SF3B3: variants seen among roughly 807,000 people sequenced by gnomAD.
SF3B3 encodes the protein SAP 130.
SF3B3 carries 33 observed loss-of-function variants against 139.2 expected under a neutral mutation model. The ratio of observed to expected loss-of-function variants is 0.24; its 90% CI spans 0.18 to 0.32. SF3B3 has a LOEUF of 0.32. Among genes scored for constraint, SF3B3 ranks in the 10% least tolerant of loss-of-function variants. The pLI is 1.00. For synonymous variants in SF3B3, 596 were observed against 563.6 expected (o/e 1.06, Z -0.81); for missense variants, 818 against 1,509.4 (o/e 0.54, Z 7.59).
chr16:70,534,869 G>A (rs146676001), intron 5 of SF3B3, among the ~76,000 whole-genome samples: 4,812 of 151,970 alleles, frequency 0.032, 285 homozygotes, highest in African/African-American at 0.11. Flanking sequence ...GGATTTCACC[G>A]TGTTGGCCAG....
At chr16:70,548,788 C>G (rs1267918623) in intron 11 of SF3B3, among the ~76,000 whole-genome samples, 1 of 152,196 alleles carries the variant, frequency 6.6e-6, no homozygotes, top group South Asian at 2.1e-4. Flanking sequence ...CTTTTTCATT[C>G]TTCTTCAACT....
At chr16:70,549,701 G>A (rs541967375) in intron 11 of SF3B3, among the ~76,000 whole-genome samples, 9 of 152,272 alleles carry the variant, frequency 5.9e-5, no homozygotes, top group Admixed American at 1.3e-4. Flanking sequence ...CGAGGTGGGC[G>A]GATCATCTGA....
chr16:70,557,227 A>T (rs1037515796), intron 15 of SF3B3, among the ~76,000 whole-genome samples, 198 bp downstream of exon 15: 2 of 152,224 alleles, frequency 1.3e-5, no homozygotes, highest in African/African-American at 2.4e-5. Context: ...ATATTTTGAT[A>T]AAGAGTCTTC....
intron 5 of SF3B3, among the ~76,000 whole-genome samples, chr16:70,533,893 T>G (rs986258869): frequency 2.6e-5 from 4 of 152,264 alleles, no homozygotes; most frequent in Non-Finnish European, 5.9e-5. Flanking sequence ...AAGGGCTTTT[T>G]CATTCTTTCA....
chr16:70,561,961 C>A (rs1053427471), intron 17 of SF3B3, among the ~76,000 whole-genome samples, 177 bp downstream of exon 17: 2 of 152,174 alleles, frequency 1.3e-5, no homozygotes, highest in African/African-American at 4.8e-5. Context: ...ACCTGAGAGC[C>A]AAGTTTCGGT....
intron 10 of SF3B3, among the ~76,000 whole-genome samples, chr16:70,544,899 G>C (rs187296414): frequency 5.9e-5 from 9 of 152,090 alleles, no homozygotes; most frequent in Admixed American, 2.6e-4. Context: ...TAGCCCACAT[G>C]GTCACTAGTC....
At chr16:70,539,670 C>T (rs576615580) in intron 8 of SF3B3, among the ~76,000 whole-genome samples, 1 of 152,100 alleles carries the variant, frequency 6.6e-6, no homozygotes, top group African/African-American at 2.4e-5. Flanking sequence ...CTTTTTCTTA[C>T]CTTCCTTTAT....
chr16:70,531,872 C>T (rs2050124715), intron 4 of SF3B3, among the ~76,000 whole-genome samples: 1 of 152,268 alleles, frequency 6.6e-6, no homozygotes, highest in Non-Finnish European at 1.5e-5. Flanking sequence ...CTCGTTCTAG[C>T]TCTGCCATTA....
intron 2 of SF3B3, among the ~76,000 whole-genome samples, chr16:70,528,662 G>A (rs2050090674): frequency 6.6e-6 from 1 of 151,980 alleles, no homozygotes; most frequent in Non-Finnish European, 1.5e-5. Context: ...CTGTTGCCCA[G>A]GCCGGAGTGC....
intron 10 of SF3B3, among the ~76,000 whole-genome samples, chr16:70,545,618 A>G (rs576560731): frequency 5.9e-5 from 9 of 152,334 alleles, no homozygotes; most frequent in South Asian, 4.1e-4. Context: ...GGGAATGGCA[A>G]TCTGAGCTCT....
Position 70,529,072 on chromosome 16 carries a change from G to A in SF3B3, c.270G>A (p.Leu90=). Residue 90 remains leucine, a synonymous_variant, in exon 3 of 26, where the codon TTG becomes TTA. Coordinates refer to ENST00000302516, the MANE Select transcript of SF3B3 (RefSeq NM_012426.5). ...GTGACTCTGGTCGAATTGTTATTTT[G>A]GAATACCAGCCATCTAAGAATATGT... The part of the protein sequence containing the change: ...VGSDSGRIVI[L]EYQPSKNMFE... 1.2e-6 allele frequency: 2 copies of A among 1,614,100 alleles called. No homozygotes were observed. Among genetic ancestry groups the A allele is most frequent in the Non-Finnish European group, 8.5e-7 (1 of 1,180,002 alleles).
Position 70,574,879 on chromosome 16 carries a change from ATATTT to A in SF3B3, c.*3071_*3075del, listed in dbSNP as rs2050562922. ...TTTGCATATGGAATATTGTATGTGA[ATATTT>A]TATTACACCCTTAAAATTAATTTTC... On this transcript the variant is annotated 3_prime_UTR_variant, in exon 26 of 26. Coordinates refer to ENST00000302516, the MANE Select transcript of SF3B3 (RefSeq NM_012426.5). The A allele has an allele frequency of 6.6e-6, 1 of 152,232 alleles. No individual in the cohort carries two copies. Among genetic ancestry groups the A allele is most frequent in the Non-Finnish European group, 1.5e-5 (1 of 68,050 alleles). The allele number at this position is 152,232 out of a possible 1,614,324, so 9.4% of individuals were successfully genotyped here.
chr16:70,568,113 A>G (rs1401539991), intron 21 of SF3B3, among the ~76,000 whole-genome samples, 170 bp from the exon 22 acceptor site: 1 of 152,214 alleles, frequency 6.6e-6, no homozygotes, highest in African/African-American at 2.4e-5. Context: ...TTTGCACTAT[A>G]TTAAAAGCTA....
chr16:70,525,793 C>T (rs2050056520), intron 1 of SF3B3, among the ~76,000 whole-genome samples: 1 of 151,556 alleles, frequency 6.6e-6, no homozygotes. Context: ...TGGTGAAACC[C>T]CACTAAAAAT....
chr16:70,555,786 C>T (rs1211363230), intron 13 of SF3B3, among the ~76,000 whole-genome samples: 2 of 152,152 alleles, frequency 1.3e-5, no homozygotes, highest in Admixed American at 1.3e-4. Flanking sequence ...TGTAGCCTGC[C>T]TGTACCTTTG....
chr16:70,568,067 T>A (rs1417804276), intron 21 of SF3B3, among the ~76,000 whole-genome samples: 1 of 152,222 alleles, frequency 6.6e-6, no homozygotes, highest in Non-Finnish European at 1.5e-5. Context: ...CTTGCTAGCT[T>A]CTATAAGGAA....
rs1567412690 is a variant in SF3B3, at chr16:70,538,200, T to C, written c.826-123T>C. ...CAGTGCTCTGGCTGGCAGGACACTG[T>C]GGATCAAAGCTTGTGCCTTTAGGCC... On this transcript the variant is annotated intron_variant, in intron 6 of 25. Transcript: ENST00000302516. 3.5e-6 allele frequency: 3 copies of C among 865,844 alleles called. No individual in the cohort carries two copies. The Admixed American group carries it at 5.5e-5, about 16-fold the overall frequency. The allele number at this position is 865,844 out of a possible 1,614,324, so 53.6% of individuals were successfully genotyped here.
intron 2 of SF3B3, among the ~76,000 whole-genome samples, 164 bp from the exon 3 acceptor site, chr16:70,528,709 C>T (rs1261576779): frequency 2.6e-5 from 4 of 151,958 alleles, no homozygotes; most frequent in African/African-American, 9.7e-5. Context: ...CCTCTACCTC[C>T]TGGGTTCAAG....
intron 12 of SF3B3, among the ~76,000 whole-genome samples, chr16:70,554,799 C>G (rs2050364328): frequency 6.6e-6 from 1 of 152,202 alleles, no homozygotes; most frequent in Admixed American, 6.5e-5. Context: ...CAGCTTTCAT[C>G]TCTAATAAAG....
Sources: gnomAD v4.1 joint callset for allele counts (sites outside exome capture counted in the v4.1 genomes callset) on GRCh38, gnomAD v4.1.1 for gene constraint, MANE v1.5 for transcripts, NCBI Gene and HGNC (gene_info 2026-07-23, HGNC 2026-07-21) for gene names.